Variants in MSR1 observed in about 807,000 individuals in gnomAD.
MSR1 encodes macrophage scavenger receptor types I and II.
In MSR1, 53 loss-of-function variants were observed where a neutral mutation model predicts 47.2. The ratio of observed to expected loss-of-function variants is 1.12; its 90% CI spans 0.90 to 1.41. MSR1 has a LOEUF of 1.41. Ranked by LOEUF, MSR1 falls within the 40% of genes most tolerant of loss-of-function variation. The probability of loss-of-function intolerance (pLI) is 0.00; values close to 1 mark genes in which losing one functional copy is unlikely to be tolerated. For missense variants in MSR1, 786 were observed against 546.9 expected, an observed-to-expected ratio of 1.44 and a Z score of -4.36; for synonymous variants, 239 against 185.6, an observed-to-expected ratio of 1.29 and a Z score of -2.34.
chr8:16,114,723 A>G (rs1447486855), intron 9 of MSR1, among the ~76,000 whole-genome samples: 2 of 152,172 alleles, frequency 1.3e-5, no homozygotes, highest in Non-Finnish European at 2.9e-5. Context: ...CTTTATTCCT[A>G]TAAGTCATTT....
At chr8:16,114,821 G>GT (rs1799839298) in intron 9 of MSR1, among the ~76,000 whole-genome samples, 2 of 152,130 alleles carry the variant, frequency 1.3e-5, no homozygotes, top group African/African-American at 2.4e-5. Context: ...AAAAAAATAT[G>GT]TGGAGACTGT....
intron 8 of MSR1, among the ~76,000 whole-genome samples, chr8:16,124,697 C>G (rs553765640): frequency 8.5e-5 from 13 of 152,272 alleles, no homozygotes; most frequent in Non-Finnish European, 1.3e-4. Context: ...CTATACCAAA[C>G]TGCAGTAAAC....
intron 8 of MSR1, chr8:16,140,035 T>C (rs1800510742): frequency 1.8e-5 from 14 of 795,374 alleles, no homozygotes; most frequent in Non-Finnish European, 2.0e-5. Context: ...CAATTATCTC[T>C]TATTAGCTGT....
In MSR1 at chr8:16,110,193, T is replaced by C; in HGVS notation, c.1248A>G (p.Glu416=). 1 of 1,613,586 alleles carries C rather than the reference T, an allele frequency of 6.2e-7. No individual in the cohort carries two copies. The highest frequency in any genetic ancestry group is 8.5e-7 in the Non-Finnish European group (1 of 1,179,646). Reference sequence around the variant, plus strand: ...ATGATTCTCTCCCAAAACAAAACACTTCATTCAGCCATATTGGACCAGTAC... The same window carrying C: ...ATGATTCTCTCCCAAAACAAAACACCTCATTCAGCCATATTGGACCAGTAC... ...GQGTGPIWLN[E]VFCFGRESSI... Residue 416 remains glutamate, a synonymous_variant, in exon 10 of 10, where the codon GAA becomes GAG. Coordinates refer to ENST00000262101, the MANE Select transcript of MSR1 (RefSeq NM_138715.3).
chr8:16,148,275 C>T lies in MSR1; in HGVS notation c.979+1956G>A, dbSNP rs1309692308. 3.9e-5 allele frequency among the ~76,000 whole-genome samples: 6 copies of T among 152,174 alleles called. No individual in the cohort carries two copies. In the East Asian group the frequency reaches 9.7e-4, roughly 25 times the overall value. ...CAGCTCCTTAAGAAAAGCAGCTGTG[C>T]TGTATTTATCTCCAGCACACAGTGA... On this transcript the variant is annotated intron_variant, in intron 7 of 9. Coordinates refer to ENST00000262101, the MANE Select transcript of MSR1 (RefSeq NM_138715.3).
chr8:16,119,246 A>T (rs535624622), intron 9 of MSR1, among the ~76,000 whole-genome samples: 1 of 152,076 alleles, frequency 6.6e-6, no homozygotes, highest in East Asian at 1.9e-4. Context: ...TATTATCATT[A>T]TTTTTTTAGA....
chr8:16,149,966 C>T (rs1457753509), intron 7 of MSR1, among the ~76,000 whole-genome samples: 2 of 151,404 alleles, frequency 1.3e-5, no homozygotes, highest in Non-Finnish European at 2.9e-5. Context: ...TAGAGACTTT[C>T]CTCGGGTGAA....
At chr8:16,178,360 G>C (rs1392817559) in intron 1 of MSR1, among the ~76,000 whole-genome samples, 1 of 151,508 alleles carries the variant, frequency 6.6e-6, no homozygotes, top group Non-Finnish European at 1.5e-5. Context: ...CGGTGTTTGG[G>C]TTTTTGTCCT....
chr8:16,174,135 G>T (rs1157706365), intron 3 of MSR1, among the ~76,000 whole-genome samples: 1 of 152,170 alleles, frequency 6.6e-6, no homozygotes, highest in African/African-American at 2.4e-5. Context: ...GAGGTTAATT[G>T]TAAGGGTGTA....
At chr8:16,175,427 T>C (rs1283655426) in intron 2 of MSR1, 127 bp from the exon 3 acceptor site, 4 of 833,278 alleles carry the variant, frequency 4.8e-6, no homozygotes, top group East Asian at 2.7e-5. Context: ...GAAAAAATGT[T>C]CCACATCTTT....
At chr8:16,155,005 A>T in intron 6 of MSR1, 59 bp downstream of exon 6, 2 of 1,392,630 alleles carry the variant, frequency 1.4e-6, no homozygotes, top group Non-Finnish European at 2.0e-6. Flanking sequence ...CTACACATGT[A>T]CCTGGATGTA....
At chr8:16,160,076 G>C (rs558390611) in intron 5 of MSR1, among the ~76,000 whole-genome samples, 41 of 152,152 alleles carry the variant, frequency 2.7e-4, no homozygotes, top group African/African-American at 9.4e-4. Flanking sequence ...AAGACCTTGA[G>C]TGCTACAGGC....
At chr8:16,178,091 T>G in intron 1 of MSR1, 99 bp from the exon 2 acceptor site, 1 of 915,234 alleles carries the variant, frequency 1.1e-6, no homozygotes, top group South Asian at 1.5e-5. Flanking sequence ...AAATGGAATC[T>G]ATTCAGTTTT....
intron 1 of MSR1, among the ~76,000 whole-genome samples, chr8:16,186,724 T>C (rs417062): frequency 0.14 from 21,127 of 151,630 alleles, 1,955 homozygotes; most frequent in African/African-American, 0.25. Flanking sequence ...CTTGACCTCC[T>C]GGGTTCAAGT....
At chr8:16,183,164 T>C (rs1425727479) in intron 1 of MSR1, among the ~76,000 whole-genome samples, 1 of 152,146 alleles carries the variant, frequency 6.6e-6, no homozygotes, top group African/African-American at 2.4e-5. Flanking sequence ...GGCTACCTAC[T>C]GGCCCCTTCT....
intron 1 of MSR1, among the ~76,000 whole-genome samples, chr8:16,183,941 T>G (rs968179563): frequency 2.8e-4 from 41 of 147,248 alleles, no homozygotes; most frequent in African/African-American, 9.7e-4. Context: ...AAGTGAGTGA[T>G]TAACTCTTTT....
chr8:16,114,342 T>C (rs1404766012), intron 9 of MSR1, among the ~76,000 whole-genome samples: 1 of 152,158 alleles, frequency 6.6e-6, no homozygotes, highest in Admixed American at 6.5e-5. Context: ...TTTATGTTTA[T>C]ATATTACTTT....
intron 8 of MSR1, among the ~76,000 whole-genome samples, chr8:16,141,894 G>T (rs1314263359): frequency 2.6e-5 from 4 of 151,932 alleles, no homozygotes; most frequent in Non-Finnish European, 5.9e-5. Context: ...GAAAGCCTCA[G>T]GAAAAGGAGA....
At chr8:16,166,369 G>A (rs1249801307) in intron 4 of MSR1, among the ~76,000 whole-genome samples, 2 of 150,834 alleles carry the variant, frequency 1.3e-5, no homozygotes, top group East Asian at 3.9e-4. Context: ...CACTATGTTG[G>A]CCAGACTGGT....
Sources: allele counts gnomAD v4.1 joint callset (sites outside exome capture counted in the v4.1 genomes callset), GRCh38; gene constraint gnomAD v4.1.1; transcripts MANE v1.5; gene names NCBI Gene and HGNC (gene_info 2026-07-23, HGNC 2026-07-21).